MAP3K8: variants seen among roughly 807,000 people sequenced by gnomAD.
The protein encoded by MAP3K8 is mitogen-activated protein kinase kinase kinase 8.
Under a neutral mutation model 45.8 loss-of-function variants are expected in MAP3K8, and 22 were observed. That is an observed-to-expected ratio of 0.48 (90% CI 0.34 to 0.69). The LOEUF (loss-of-function observed/expected upper bound fraction) is 0.69, where lower values mean the gene tolerates loss of function less well. Ranked by LOEUF, MAP3K8 falls within the 30% of genes least tolerant of loss-of-function variation. The pLI, the probability that MAP3K8 is intolerant of heterozygous loss-of-function variation, is 0.01. For missense variants in MAP3K8, 419 were observed against 585.0 expected, an observed-to-expected ratio of 0.72 and a Z score of 2.93; for synonymous variants, 223 against 214.3, an observed-to-expected ratio of 1.04 and a Z score of -0.36.
chr10:30,437,735 C>T (rs1314570058), intron 2 of MAP3K8, among the ~76,000 whole-genome samples: 1 of 152,192 alleles, frequency 6.6e-6, no homozygotes, highest in East Asian at 1.9e-4. Context: ...TTTCCTGGAG[C>T]TTTGAAATGA....
chr10:30,434,729 C>A, intron 1 of MAP3K8: 1 of 985,564 alleles, frequency 1.0e-6, no homozygotes, highest in African/African-American at 1.7e-5. Flanking sequence ...GACGGCCGCA[C>A]TCTCCCTGCC....
intron 3 of MAP3K8, among the ~76,000 whole-genome samples, chr10:30,442,503 G>T (rs1430073544): frequency 1.3e-5 from 2 of 152,188 alleles, no homozygotes; most frequent in Non-Finnish European, 2.9e-5. Context: ...AATTACAAAA[G>T]CATCCTGAAG....
In MAP3K8 at chr10:30,450,462, G is replaced by A. The variant is rs766835566; in HGVS notation, c.709G>A (p.Val237Ile). The change falls in exon 5 of 9, where the codon GTT becomes ATT. Residue 237 changes from valine (V) to isoleucine (I), a missense_variant. By Grantham distance (29) the Val-to-Ile change is conservative. This residue lies in a region of MAP3K8 where 209 missense variants were observed against 367.3 expected (regional missense o/e 0.57). Coordinates refer to ENST00000263056, the MANE Select transcript of MAP3K8 (RefSeq NM_005204.4). ...EFEIIWVTKH[V>I]LKGLDFLHSK... Reference sequence around the variant, plus strand: ...TGAAATTATTTGGGTGACAAAGCATGTTCTCAAGGGACTTGATTTTCTACA... The same window carrying A: ...TGAAATTATTTGGGTGACAAAGCATATTCTCAAGGGACTTGATTTTCTACA... 6.2e-7 allele frequency: 1 copy of A among 1,614,072 alleles called. No individual in the cohort carries two copies. The highest frequency in any genetic ancestry group is 1.6e-4 in the Middle Eastern group (1 of 6,062).
rs765934792 is a variant in MAP3K8 at position 30,439,031 on chromosome 10, A to G, written c.93A>G (p.Glu31=). The G allele has an allele frequency of 1.9e-6, 3 of 1,613,758 alleles. No homozygotes were observed. The highest frequency in any genetic ancestry group is 2.5e-6 in the Non-Finnish European group (3 of 1,179,726). ...TGTCTGATGTAATAGACATTATGGA[A>G]AATCTTTATGCAAGTGAAGAGCCAG... ...LNVSDVIDIM[E]NLYASEEPAV... is the part of the protein sequence containing the mutation. Residue 31 remains glutamate, a synonymous_variant, in exon 3 of 9, where the codon GAA becomes GAG. Transcript: ENST00000263056.
At chr10:30,455,818 G>C (rs1397753560) in intron 6 of MAP3K8, among the ~76,000 whole-genome samples, 2 of 152,164 alleles carry the variant, frequency 1.3e-5, no homozygotes, top group African/African-American at 4.8e-5. Flanking sequence ...GCCCTGTGTT[G>C]GTCCCACCAG....
rs754420261 is a variant in MAP3K8 at position 30,447,835 on chromosome 10, C to G, written c.390C>G (p.Ile130Met). 1 of 1,613,728 alleles carries G rather than the reference C, an allele frequency of 6.2e-7. No homozygotes were observed. The highest frequency in any genetic ancestry group is 8.5e-7 in the Non-Finnish European group (1 of 1,179,718). ...RYQIDSDVLL[I>M]PWKLTYRNIG... ...AAATAGATTCCGATGTTCTCCTGATCCCCTGGAAGCTGACTTACAGGAATA... is the reference window on the plus strand; with the variant it reads ...AAATAGATTCCGATGTTCTCCTGATGCCCTGGAAGCTGACTTACAGGAATA... Residue 130 changes from isoleucine to methionine, a missense_variant, in exon 4 of 9, where the codon ATC becomes ATG. Ile to Met is a conservative substitution (Grantham distance 10). Coordinates refer to ENST00000263056, the MANE Select transcript of MAP3K8 (RefSeq NM_005204.4).
chr10:30,441,607 C>A (rs1476688208), intron 3 of MAP3K8, among the ~76,000 whole-genome samples: 1 of 152,082 alleles, frequency 6.6e-6, no homozygotes, highest in South Asian at 2.1e-4. Context: ...ACCTTAAAAT[C>A]TATTGGATCT....
At position 30,460,758 on chromosome 10, in the gene MAP3K8, C is replaced by G. The variant is rs767141598; in HGVS notation, c.1326C>G (p.Arg442=). 6.2e-7 allele frequency: 1 copy of G among 1,613,854 alleles called. No homozygotes were observed. The highest frequency in any genetic ancestry group is 8.5e-7 in the Non-Finnish European group (1 of 1,179,850). Residue 442 remains arginine (R), a synonymous_variant, in exon 9 of 9, where the codon CGC becomes CGG. Transcript: ENST00000263056. The part of the protein sequence containing the change: ...TEESEMLKRQ[R]SLYIDLGALA... ...AATCTGAGATGCTCAAGAGGCAACG[C>G]TCTCTCTACATCGACCTCGGCGCTC...
intron 4 of MAP3K8, among the ~76,000 whole-genome samples, chr10:30,448,439 T>A (rs982089047): frequency 1.3e-5 from 2 of 149,582 alleles, no homozygotes; most frequent in African/African-American, 2.4e-5. Flanking sequence ...ATTATTATTA[T>A]TATTATTATT....
At chr10:30,451,805 C>G (rs1209036466) in intron 6 of MAP3K8, 61 bp downstream of exon 6, 2 of 935,872 alleles carry the variant, frequency 2.1e-6, no homozygotes, top group Non-Finnish European at 3.2e-6. Flanking sequence ...AAAAAATGTT[C>G]TAGAATTATT....
intron 2 of MAP3K8, among the ~76,000 whole-genome samples, chr10:30,438,335 C>A (rs1366084703): frequency 2.0e-5 from 3 of 152,214 alleles, no homozygotes. Flanking sequence ...GCATAAGAAT[C>A]ATTCCTGAAA....
chr10:30,455,142 A>G (rs774651760), intron 6 of MAP3K8, among the ~76,000 whole-genome samples: 149 of 152,300 alleles, frequency 9.8e-4, no homozygotes, highest in Non-Finnish European at 1.7e-3. Context: ...CTTTTTGTGA[A>G]GTGCAAAACT....
At chr10:30,447,990 G>A (rs755780097) in intron 4 of MAP3K8, 41 bp downstream of exon 4, 3 of 1,541,432 alleles carry the variant, frequency 1.9e-6, no homozygotes, top group East Asian at 4.6e-5. Context: ...TGTGTGTTTG[G>A]CATTCTGGCT....
intron 3 of MAP3K8, chr10:30,439,495 T>G: frequency 9.9e-7 from 1 of 1,006,486 alleles, no homozygotes; most frequent in Non-Finnish European, 1.4e-6. Context: ...TAGTAGTATT[T>G]CTACAAATAG....
chr10:30,440,861 A>G (rs554419491), intron 3 of MAP3K8, among the ~76,000 whole-genome samples: 59 of 152,030 alleles, frequency 3.9e-4, no homozygotes, highest in African/African-American at 1.0e-3. Flanking sequence ...AAATATGCAG[A>G]AAAAAAACCA....
At chr10:30,451,881 C>T (rs1353079575) in intron 6 of MAP3K8, 137 bp downstream of exon 6, 2 of 506,302 alleles carry the variant, frequency 4.0e-6, no homozygotes, top group Non-Finnish European at 3.5e-6. Context: ...CCTTGGAACA[C>T]ATTTAATGAG....
Position 30,450,272 on chromosome 10 carries a change from A to G in MAP3K8, c.519A>G (p.Gln173=), listed in dbSNP as rs760808408. The change falls in exon 5 of 9, where the codon CAA becomes CAG. Residue 173 remains glutamine (Q), a synonymous_variant. Coordinates refer to ENST00000263056, the MANE Select transcript of MAP3K8 (RefSeq NM_005204.4). ...RMACKLIPVD[Q]FKPSDVEIQA... is the part of the protein sequence containing the mutation. ...TTGTGTTCTAGATCCCAGTAGATCA[A>G]TTTAAGCCATCTGATGTGGAAATCC... 33 of 1,606,070 alleles carry G rather than the reference A, an allele frequency of 2.1e-5. No individual in the cohort carries two copies. The highest frequency in any genetic ancestry group is 2.8e-5 in the Non-Finnish European group (33 of 1,174,370).
chr10:30,455,930 G>A (rs553611525), intron 6 of MAP3K8, among the ~76,000 whole-genome samples: 3 of 152,288 alleles, frequency 2.0e-5, no homozygotes, highest in Non-Finnish European at 2.9e-5. Flanking sequence ...CAAGAGCTCC[G>A]AGCCAGGAAG....
chr10:30,444,014 C>T (rs1282705296), intron 3 of MAP3K8, among the ~76,000 whole-genome samples: 1 of 151,336 alleles, frequency 6.6e-6, no homozygotes. Context: ...ATAGTGAGAC[C>T]CCCATCTCCA....
Sources: gnomAD v4.1 joint callset for allele counts (sites outside exome capture counted in the v4.1 genomes callset) on GRCh38, gnomAD v4.1.1 for gene constraint, gnomAD v4.1.1 regional missense constraint, MANE v1.5 for transcripts, NCBI Gene and HGNC (gene_info 2026-07-23, HGNC 2026-07-21) for gene names.